RCAN3: variants seen among roughly 807,000 people sequenced by gnomAD.
The protein encoded by RCAN3 is calcipressin-3.
Under a neutral mutation model 21.9 loss-of-function variants are expected in RCAN3, and 19 were observed. The observed-to-expected ratio is 0.87, with a 90% CI of 0.61 to 1.27. RCAN3 has a LOEUF of 1.27. Ranked by LOEUF, RCAN3 falls within the 50% of genes most tolerant of loss-of-function variation. RCAN3 has a pLI of 0.00. For synonymous variants in RCAN3, 114 were observed against 112.3 expected (o/e 1.01, Z -0.09); for missense variants, 240 against 300.1 (o/e 0.80, Z 1.48).
intron 2 of RCAN3, 41 bp from the exon 3 acceptor site, chr1:24,531,177 T>A (rs764436685): frequency 7.3e-7 from 1 of 1,366,238 alleles, no homozygotes; most frequent in Non-Finnish European, 9.7e-7. Context: ...CTTTTTTTTT[T>A]TTCCTCCCCT....
chr1:24,512,803 T>G (rs1647993178), intron 1 of RCAN3, among the ~76,000 whole-genome samples: 1 of 152,348 alleles, frequency 6.6e-6, no homozygotes, highest in East Asian at 1.9e-4. Flanking sequence ...GGCTCTCTGC[T>G]TGGTGCATGT....
chr1:24,531,204 C>T lies in RCAN3; in HGVS notation c.196-14C>T. On this transcript the variant is annotated splice_polypyrimidine_tract_variant and intron_variant, in intron 2 of 4. Coordinates refer to ENST00000374395, the MANE Select transcript of RCAN3 (RefSeq NM_013441.4). The stretch of plus-strand genomic sequence containing the variant: ...TCCTCCCCTTCCCTTTGCCTTGCTG[C>T]TCCTTAATTGTAGGAAAGATTTGAA... 1 of 1,469,564 alleles carries T rather than the reference C, an allele frequency of 6.8e-7. No homozygotes were observed. Among genetic ancestry groups the T allele is most frequent in the South Asian group, 1.5e-5 (1 of 66,356 alleles). 91.0% of individuals were successfully genotyped at this position (1,469,564 alleles called of 1,614,324 possible).
intron 2 of RCAN3, among the ~76,000 whole-genome samples, chr1:24,521,553 A>G (rs1462292373): frequency 2.0e-5 from 3 of 152,212 alleles, no homozygotes; most frequent in African/African-American, 7.2e-5. Context: ...CATGCTTTTA[A>G]AAGTATCATT....
chr1:24,522,300 C>T (rs1648887124), intron 2 of RCAN3, among the ~76,000 whole-genome samples: 1 of 152,172 alleles, frequency 6.6e-6, no homozygotes. Flanking sequence ...TGACCTCACA[C>T]CTGGCCTGAG....
chr1:24,539,376 TATC>T lies in RCAN3; in HGVS notation c.*4102_*4104del, dbSNP rs1169026765. 3 of 152,236 alleles carry T rather than the reference TATC, an allele frequency of 2.0e-5. No individual in the cohort carries two copies. The highest frequency in any genetic ancestry group is 4.4e-5 in the Non-Finnish European group (3 of 68,034). The allele number at this position is 152,236 out of a possible 1,614,324, so 9.4% of individuals were successfully genotyped here. A position where few individuals can be genotyped will look rare whatever the true frequency, so the allele number is the denominator to read the frequency against. ...GATGTCCCATGTTTTGTAGTTTTGT[TATC>T]ATTGAACCATTGGGGCTGGAATCTG... On this transcript the variant is annotated 3_prime_UTR_variant, in exon 5 of 5. Coordinates refer to ENST00000374395, the MANE Select transcript of RCAN3 (RefSeq NM_013441.4).
intron 2 of RCAN3, among the ~76,000 whole-genome samples, 193 bp downstream of exon 2, chr1:24,514,760 G>A (rs1648159099): frequency 6.6e-6 from 1 of 152,022 alleles, no homozygotes; most frequent in Non-Finnish European, 1.5e-5. Context: ...CCTGAGGTCA[G>A]GAGTTCAAGA....
intron 1 of RCAN3, among the ~76,000 whole-genome samples, chr1:24,512,401 G>A (rs1366104285): frequency 6.6e-6 from 1 of 152,012 alleles, no homozygotes; most frequent in East Asian, 1.9e-4. Flanking sequence ...AGGTTCTTTA[G>A]GAGATTGGGT....
At chr1:24,511,263 A>G (rs1647860317) in intron 1 of RCAN3, among the ~76,000 whole-genome samples, 1 of 152,186 alleles carries the variant, frequency 6.6e-6, no homozygotes, top group African/African-American at 2.4e-5. Context: ...CAGTGAGCCA[A>G]GATAGCACCA....
At chr1:24,519,090 T>A (rs1026473863) in intron 2 of RCAN3, among the ~76,000 whole-genome samples, 2 of 152,150 alleles carry the variant, frequency 1.3e-5, no homozygotes, top group African/African-American at 4.8e-5. Flanking sequence ...TTTGTATTTT[T>A]AGTAGAGATA....
rs1216651872 is a variant in RCAN3, at chr1:24,535,792, C to T, written c.*515C>T. 2 of 152,208 alleles carry T rather than the reference C, an allele frequency of 1.3e-5. No homozygotes were observed. The highest frequency in any genetic ancestry group is 2.9e-5 in the Non-Finnish European group (2 of 68,072). The allele number at this position is 152,208 out of a possible 1,614,324, so 9.4% of individuals were successfully genotyped here. The stretch of plus-strand genomic sequence containing the variant: ...ATGAAATTTTTTGCAGGAAAAGAAA[C>T]CAGAAATACAGAATAATTCATAGAA... On this transcript the variant is annotated 3_prime_UTR_variant, in exon 5 of 5. Coordinates refer to ENST00000374395, the MANE Select transcript of RCAN3 (RefSeq NM_013441.4).
intron 1 of RCAN3, among the ~76,000 whole-genome samples, chr1:24,512,961 G>A (rs1648004686): frequency 6.6e-6 from 1 of 152,224 alleles, no homozygotes; most frequent in Admixed American, 6.5e-5. Context: ...AAAGGGACCA[G>A]GCGCGGTGGC....
rs201998230 is a variant in RCAN3, at chr1:24,535,219, G to A, written c.668G>A (p.Arg223His). 3.2e-6 allele frequency: 5 copies of A among 1,583,164 alleles called. No homozygotes were observed. The highest frequency in any genetic ancestry group is 2.4e-5 in the East Asian group (1 of 42,496). ...AAACAGAAAATTGCCCAGACGAGGC[G>A]CCCCGACCCTCCGACCGCAGCGTTG... ...NPKQKIAQTR[R>H]PDPPTAALNE... The change falls in exon 5 of 5, where the codon CGC becomes CAC. Residue 223 changes from arginine to histidine, a missense_variant. Arg to His is a conservative substitution (Grantham distance 29). Coordinates refer to ENST00000374395, the MANE Select transcript of RCAN3 (RefSeq NM_013441.4).
chr1:24,504,840 A>C (rs1205795433), intron 1 of RCAN3, among the ~76,000 whole-genome samples: 4 of 152,242 alleles, frequency 2.6e-5, no homozygotes, highest in African/African-American at 9.6e-5. Context: ...CATCAGTCTT[A>C]TATATCTCAA....
Position 24,524,583 on chromosome 1 carries a change from T to C in RCAN3, c.196-6635T>C, listed in dbSNP as rs370509269. Among the ~76,000 whole-genome samples, 15 of 152,266 alleles carry C rather than the reference T, an allele frequency of 9.9e-5. No homozygotes were observed. The East Asian group carries it at 2.5e-3, about 26-fold the overall frequency. Reference sequence around the variant, plus strand: ...TCTGGCTGTTTTAGTCAGTGGTGATTGATGAGAACCAAAAGCACTTTGCCT... The same window carrying C: ...TCTGGCTGTTTTAGTCAGTGGTGATCGATGAGAACCAAAAGCACTTTGCCT... On this transcript the variant is annotated intron_variant, in intron 2 of 4. Transcript: ENST00000374395.
At chr1:24,516,335 G>A (rs529455867) in intron 2 of RCAN3, among the ~76,000 whole-genome samples, 3 of 152,096 alleles carry the variant, frequency 2.0e-5, no homozygotes, top group East Asian at 1.9e-4. Flanking sequence ...TAAATAGTGC[G>A]TTGAGGTAAG....
chr1:24,511,644 A>G (rs992484836), intron 1 of RCAN3, among the ~76,000 whole-genome samples: 2 of 152,268 alleles, frequency 1.3e-5, no homozygotes, highest in African/African-American at 4.8e-5. Flanking sequence ...ACAGATCACC[A>G]TAACAGATAA....
At chr1:24,520,687 T>TG (rs1648723964) in intron 2 of RCAN3, among the ~76,000 whole-genome samples, 1 of 86,320 alleles carries the variant, frequency 1.2e-5, no homozygotes, top group Non-Finnish European at 2.3e-5. Context: ...TGTTGTGGGG[T>TG]GGGGGGAGGG....
chr1:24,512,717 T>C (rs976313554), intron 1 of RCAN3, among the ~76,000 whole-genome samples: 2 of 152,214 alleles, frequency 1.3e-5, no homozygotes, highest in East Asian at 1.9e-4. Flanking sequence ...GTAGTAATCA[T>C]AATCACTTAG....
At position 24,539,733 on chromosome 1, in the gene RCAN3, C is replaced by T. The variant is rs2148918795; in HGVS notation, c.*4456C>T. 1 of 152,312 alleles carries T rather than the reference C, an allele frequency of 6.6e-6. No homozygotes were observed. Among genetic ancestry groups the T allele is most frequent in the Non-Finnish European group, 1.5e-5 (1 of 68,032 alleles). The allele number at this position is 152,312 out of a possible 1,614,324, so 9.4% of individuals were successfully genotyped here. Reference sequence around the variant, plus strand: ...ATAATTAAGCAGTGGAAAATGTGCTCAATGCTATGGTGCGTCAGGCCCTCT... The same window carrying T: ...ATAATTAAGCAGTGGAAAATGTGCTTAATGCTATGGTGCGTCAGGCCCTCT... On this transcript the variant is annotated 3_prime_UTR_variant, in exon 5 of 5. Coordinates refer to ENST00000374395, the MANE Select transcript of RCAN3 (RefSeq NM_013441.4).
Sources: gnomAD v4.1 joint callset for allele counts (sites outside exome capture counted in the v4.1 genomes callset) on GRCh38, gnomAD v4.1.1 for gene constraint, MANE v1.5 for transcripts, NCBI Gene and HGNC (gene_info 2026-07-23, HGNC 2026-07-21) for gene names.